APBB2: variants seen among roughly 807,000 people sequenced by gnomAD.
The protein encoded by APBB2 is Fe65-like 1.
In APBB2, 38 loss-of-function variants were observed where a neutral mutation model predicts 82.5. The observed-to-expected ratio is 0.46, with a 90% CI of 0.36 to 0.60. The LOEUF is 0.60. APBB2 is among the 20% of genes least tolerant of loss of function. The pLI is 0.00. For missense variants in APBB2, 772 were observed against 972.3 expected, an observed-to-expected ratio of 0.79 and a Z score of 2.74; for synonymous variants, 341 against 368.2, an observed-to-expected ratio of 0.93 and a Z score of 0.85.
chr4:40,913,717 G>A (rs1779141070), intron 10 of APBB2, among the ~76,000 whole-genome samples: 1 of 152,148 alleles, frequency 6.6e-6, no homozygotes, highest in Non-Finnish European at 1.5e-5. Context: ...CTGTAAAGAG[G>A]TGTCCTTTTT....
intron 6 of APBB2, among the ~76,000 whole-genome samples, chr4:40,994,894 GAAAT>G (rs1438979203): frequency 6.0e-5 from 9 of 150,102 alleles, no homozygotes; most frequent in African/African-American, 2.0e-4. Flanking sequence ...AGGAGGGAAA[GAAAT>G]AAAGAAGGAA....
At chr4:41,200,369 T>C (rs902443240) in intron 1 of APBB2, among the ~76,000 whole-genome samples, 3 of 150,962 alleles carry the variant, frequency 2.0e-5, no homozygotes, top group African/African-American at 7.2e-5. Context: ...AAGAAATGAA[T>C]GACCTATTTT....
At chr4:41,082,929 G>A (rs368094480) in intron 3 of APBB2, among the ~76,000 whole-genome samples, 15 of 152,136 alleles carry the variant, frequency 9.9e-5, no homozygotes, top group African/African-American at 3.4e-4. Context: ...TTGGGAGGCC[G>A]AGGCGGGAAG....
rs374592714 is a variant in APBB2 at position 41,104,782 on chromosome 4, TA to T, written c.-260-4033del. On this transcript the variant is annotated intron_variant, in intron 2 of 17. Transcript: ENST00000508593. Reference sequence around the variant, plus strand: ...TTTTCTGTTCCTGTACTAATTCTCTTAGGATAATGGCCTCCAGCTCCATCCA... The same window carrying T: ...TTTTCTGTTCCTGTACTAATTCTCTTGGATAATGGCCTCCAGCTCCATCCA... Among the ~76,000 whole-genome samples the T allele has an allele frequency of 4.2e-3, 640 of 152,310 alleles. 4 individuals carry two copies. The highest frequency in any genetic ancestry group is 6.5e-3 in the Non-Finnish European group (442 of 68,020).
chr4:41,143,920 G>A (rs1010948855), intron 1 of APBB2, among the ~76,000 whole-genome samples: 6 of 152,214 alleles, frequency 3.9e-5, no homozygotes, highest in African/African-American at 1.2e-4. Context: ...GCCCACAGGC[G>A]CTGCCATGCT....
chr4:41,047,192 T>C (rs1234123480), intron 4 of APBB2, among the ~76,000 whole-genome samples: 2 of 152,148 alleles, frequency 1.3e-5, no homozygotes, highest in East Asian at 1.9e-4. Flanking sequence ...GATGAAAAAA[T>C]TTCTGTTCTA....
Position 40,918,563 on chromosome 4 carries a change from T to G in APBB2, c.1254+15893A>C, listed in dbSNP as rs1301358207. On this transcript the variant is annotated intron_variant, in intron 10 of 17. Transcript: ENST00000508593. The stretch of plus-strand genomic sequence containing the variant: ...CAATCCCCATTTTTGGCAGTCCTTG[T>G]CACTCTCTCAATAACAACACGAACA... Among the ~76,000 whole-genome samples the G allele has an allele frequency of 7.9e-5, 12 of 152,344 alleles. No individual in the cohort carries two copies. In the East Asian group the frequency reaches 2.1e-3, roughly 27 times the overall value.
In APBB2 at chr4:40,823,669, G is replaced by T; in HGVS notation, c.1907C>A (p.Ala636Asp). The T allele has an allele frequency of 6.2e-7, 1 of 1,613,014 alleles. No homozygotes were observed. The highest frequency in any genetic ancestry group is 8.5e-7 in the Non-Finnish European group (1 of 1,179,136). ...WLSVNMNVAD[A>D]TVTVISEKNE... ...CTTTTCACTGATGACAGTCACAGTG[G>T]CATCAGCCACGTTCATGTTCACTGA... is the stretch of plus-strand genomic sequence containing the variant. The change falls in exon 16 of 18, where the codon GCC (alanine) becomes GAC (aspartate). Residue 636 changes from alanine (A) to aspartate (D), a missense_variant. Coordinates refer to ENST00000508593, the MANE Select transcript of APBB2 (RefSeq NM_004307.2).
chr4:40,963,537 C>T lies in APBB2; in HGVS notation c.836-18464G>A, dbSNP rs182937486. On this transcript the variant is annotated intron_variant, in intron 6 of 17. Coordinates refer to ENST00000508593, the MANE Select transcript of APBB2 (RefSeq NM_004307.2). Reference sequence around the variant, plus strand: ...TGCTGGGATTACAGGCATGGGCCACCGCGCCCAGCCTCTATTACTTTTTCT... The same window carrying T: ...TGCTGGGATTACAGGCATGGGCCACTGCGCCCAGCCTCTATTACTTTTTCT... Among the ~76,000 whole-genome samples the T allele has an allele frequency of 3.9e-4, 60 of 152,320 alleles. No homozygotes were observed. In the East Asian group the frequency reaches 4.1e-3, roughly 10 times the overall value.
chr4:41,188,246 G>C (rs1200179620), intron 1 of APBB2, among the ~76,000 whole-genome samples: 2 of 152,176 alleles, frequency 1.3e-5, no homozygotes, highest in Non-Finnish European at 2.9e-5. Context: ...AAAGAAAACA[G>C]GTTCCAGAGA....
At chr4:40,871,188 C>A (rs1479924201) in intron 12 of APBB2, among the ~76,000 whole-genome samples, 1 of 152,190 alleles carries the variant, frequency 6.6e-6, no homozygotes, top group Non-Finnish European at 1.5e-5. Flanking sequence ...GTTGCCCAGG[C>A]TAGAGGGCAA....
chr4:41,168,104 A>C (rs1053197473), intron 1 of APBB2, among the ~76,000 whole-genome samples: 1 of 152,064 alleles, frequency 6.6e-6, no homozygotes, highest in Non-Finnish European at 1.5e-5. Context: ...CCTCATCTCT[A>C]CTAAAAATAC....
rs1745010500 is a variant in APBB2, at chr4:40,814,089, C to T, written c.*2003G>A. ...TAGAAAAGCCACCCACTCATTCCAT[C>T]ATGATCTCTGGTGGCTAAGTACCAT... On this transcript the variant is annotated 3_prime_UTR_variant, in exon 18 of 18. Transcript: ENST00000508593. The T allele has an allele frequency of 6.6e-6, 1 of 152,232 alleles. No individual in the cohort carries two copies. Among genetic ancestry groups the T allele is most frequent in the Non-Finnish European group, 1.5e-5 (1 of 68,046 alleles). 9.4% of individuals were successfully genotyped at this position (152,232 alleles called of 1,614,324 possible).
chr4:41,003,261 A>G (rs1331983953), intron 6 of APBB2, among the ~76,000 whole-genome samples: 1 of 152,252 alleles, frequency 6.6e-6, no homozygotes, highest in Non-Finnish European at 1.5e-5. Flanking sequence ...CAAACTATCT[A>G]GAAGTCCCTT....
At chr4:40,961,818 C>T (rs1793388862) in intron 6 of APBB2, among the ~76,000 whole-genome samples, 1 of 151,946 alleles carries the variant, frequency 6.6e-6, no homozygotes. Context: ...ATCCAAGCAT[C>T]TTAACCTCAT....
At chr4:41,031,532 T>C (rs1180476142) in intron 5 of APBB2, among the ~76,000 whole-genome samples, 1 of 151,160 alleles carries the variant, frequency 6.6e-6, no homozygotes, top group Non-Finnish European at 1.5e-5. Context: ...CCAGTATCTC[T>C]TACGTTATAA....
chr4:40,826,941 A>G lies in APBB2; in HGVS notation c.1732+191T>C, dbSNP rs78849957. On this transcript the variant is annotated intron_variant, in intron 14 of 17. Transcript: ENST00000508593. The surrounding 1 kb of genome is among the most constrained non-coding windows in gnomAD (Gnocchi z 4.5). The stretch of plus-strand genomic sequence containing the variant: ...TAACAACAAAACTCATCCTGGCTTT[A>G]TGCCTAACCCTAGTGATGCAAAATC... 1,167 of 540,266 alleles carry G rather than the reference A, an allele frequency of 2.2e-3. 18 individuals carry two copies. In the East Asian group the frequency reaches 0.022, roughly 10 times the overall value. 33.5% of individuals were successfully genotyped at this position (540,266 alleles called of 1,614,324 possible). A position where few individuals can be genotyped will look rare whatever the true frequency, so the allele number is the denominator to read the frequency against.
intron 2 of APBB2, among the ~76,000 whole-genome samples, chr4:41,111,201 C>A (rs1749090294): frequency 6.6e-6 from 1 of 152,224 alleles, no homozygotes; most frequent in Non-Finnish European, 1.5e-5. Flanking sequence ...ATAGATTAAG[C>A]TTTCCTCACT....
intron 6 of APBB2, among the ~76,000 whole-genome samples, chr4:40,975,806 T>C (rs1797053585): frequency 7.2e-6 from 1 of 138,986 alleles, no homozygotes; most frequent in Non-Finnish European, 1.6e-5. Context: ...CACTCTACTT[T>C]CCCCTATATA....
Sources: allele counts gnomAD v4.1 joint callset (sites outside exome capture counted in the v4.1 genomes callset), GRCh38; gene constraint gnomAD v4.1.1; non-coding constraint Gnocchi (gnomAD v3.1); transcripts MANE v1.5; gene names NCBI Gene and HGNC (gene_info 2026-07-23, HGNC 2026-07-21).